The following TCF4 variants were observed in gnomAD, a reference collection of about 807,000 sequenced individuals.
TCF4 encodes transcription factor 4, also known as SL3-3 enhancer factor 2.
In TCF4, 3 loss-of-function variants were observed where a neutral mutation model predicts 82.1. The observed-to-expected ratio is 0.04, with a 90% CI of 0.02 to 0.09. The LOEUF is 0.09. Among genes scored for constraint, TCF4 ranks in the 10% least tolerant of loss-of-function variants. The pLI is 1.00. For missense variants in TCF4, 518 were observed against 852.7 expected (o/e 0.61, Z 4.89); for synonymous variants, 276 against 309.6 (o/e 0.89, Z 1.14).
intron 3 of TCF4, 94 bp downstream of exon 3, chr18:55,585,186 T>A (rs984423743): frequency 8.5e-7 from 1 of 1,182,198 alleles, no homozygotes; most frequent in African/African-American, 1.5e-5. Context: ...TTCAATGACT[T>A]TTTCAGAACT....
chr18:55,426,673 C>G (rs372275978), intron 5 of TCF4, among the ~76,000 whole-genome samples: 33 of 152,230 alleles, frequency 2.2e-4, no homozygotes, highest in African/African-American at 5.3e-4. Context: ...TTTAGAGCAG[C>G]CTTGCATGTA....
At chr18:55,623,750 G>A (rs548972722) in intron 2 of TCF4, among the ~76,000 whole-genome samples, 1 of 152,262 alleles carries the variant, frequency 6.6e-6, no homozygotes, top group South Asian at 2.1e-4. Flanking sequence ...AGCTATGTGA[G>A]TCCCATTAGT....
At chr18:55,350,772 T>C in intron 7 of TCF4, 102 bp downstream of exon 7, 1 of 1,518,638 alleles carries the variant, frequency 6.6e-7, no homozygotes, top group East Asian at 2.4e-5. Context: ...ATGGTTTTCT[T>C]GGGGTGGGAG....
At chr18:55,400,100 G>A (rs1370206173) in intron 6 of TCF4, among the ~76,000 whole-genome samples, 5 of 151,846 alleles carry the variant, frequency 3.3e-5, no homozygotes, top group Admixed American at 3.3e-4. Context: ...TTAAAAGTTT[G>A]CAAATCACCC....
intron 1 of TCF4, among the ~76,000 whole-genome samples, chr18:55,634,373 T>C (rs2097734274): frequency 6.6e-6 from 1 of 152,222 alleles, no homozygotes; most frequent in African/African-American, 2.4e-5. Flanking sequence ...CTTTTACTAA[T>C]TTATAATATT....
At chr18:55,269,444 A>G (rs888881913) in intron 11 of TCF4, 4 of 316,350 alleles carry the variant, frequency 1.3e-5, no homozygotes, top group East Asian at 1.5e-4. Flanking sequence ...GCCTAGCACA[A>G]TGACTGGAAT....
intron 11 of TCF4, among the ~76,000 whole-genome samples, chr18:55,263,052 C>T (rs972156003): frequency 9.9e-5 from 15 of 152,144 alleles, no homozygotes; most frequent in Admixed American, 9.2e-4. Context: ...GAACCACCCA[C>T]CTTGGCCTCC....
chr18:55,621,852 GTATT>G (rs1485536842), intron 2 of TCF4, among the ~76,000 whole-genome samples: 11 of 81,502 alleles, frequency 1.3e-4, no homozygotes, highest in Non-Finnish European at 1.8e-4. Flanking sequence ...TACAATGTAT[GTATT>G]ATATTATATA....
At chr18:55,468,175 C>A (rs962183016) in intron 3 of TCF4, among the ~76,000 whole-genome samples, 12 of 152,114 alleles carry the variant, frequency 7.9e-5, no homozygotes, top group Non-Finnish European at 1.3e-4. Context: ...TATACGAAAT[C>A]AATATTTGAA....
intron 3 of TCF4, among the ~76,000 whole-genome samples, chr18:55,525,698 C>A (rs1340768879): frequency 6.6e-6 from 1 of 152,124 alleles, no homozygotes; most frequent in Non-Finnish European, 1.5e-5. Flanking sequence ...TAACAGTGAA[C>A]CCAATTTCCA....
chr18:55,506,948 C>T (rs190379737), intron 3 of TCF4, among the ~76,000 whole-genome samples: 122 of 151,768 alleles, frequency 8.0e-4, no homozygotes, highest in African/African-American at 2.4e-3. Context: ...CTGCAACCTC[C>T]GCCTCTCAGA....
chr18:55,614,831 A>G (rs889873193), intron 2 of TCF4, among the ~76,000 whole-genome samples: 1 of 152,166 alleles, frequency 6.6e-6, no homozygotes. Flanking sequence ...ATCTTTGCCT[A>G]ATCAAAGGTC....
chr18:55,227,059 C>T lies in TCF4; in HGVS notation c.*976G>A, dbSNP rs2046688081. On this transcript the variant is annotated 3_prime_UTR_variant, in exon 20 of 20. Transcript: ENST00000354452. The stretch of plus-strand genomic sequence containing the variant: ...TTTTTGCCATGTCTTGGTAATGCTG[C>T]TTGTAATATCTACACATGATGTGAC... 6.6e-6 allele frequency: 1 copy of T among 152,492 alleles called. No individual in the cohort carries two copies. Among genetic ancestry groups the T allele is most frequent in the Non-Finnish European group, 1.5e-5 (1 of 68,002 alleles). The allele number at this position is 152,492 out of a possible 1,614,324, so 9.4% of individuals were successfully genotyped here.
chr18:55,370,104 T>C (rs1281995344), intron 6 of TCF4, among the ~76,000 whole-genome samples: 1 of 152,144 alleles, frequency 6.6e-6, no homozygotes, highest in Non-Finnish European at 1.5e-5. Flanking sequence ...CAATATTACG[T>C]TAAAAAGAGA....
intron 3 of TCF4, among the ~76,000 whole-genome samples, chr18:55,554,765 C>G (rs1000709225): frequency 1.3e-5 from 2 of 152,058 alleles, no homozygotes; most frequent in African/African-American, 4.8e-5. Context: ...TCCCCAGGCC[C>G]CAGAACAGAT....
chr18:55,244,248 C>T (rs137875103), intron 15 of TCF4, among the ~76,000 whole-genome samples: 3,099 of 152,142 alleles, frequency 0.02, 58 homozygotes, highest in Non-Finnish European at 0.032. Context: ...CTTGCCAAGT[C>T]GGGTCTCTTT....
rs2046423674 is a variant in TCF4 at position 55,225,092 on chromosome 18, TA to T, written c.*2942del. On this transcript the variant is annotated 3_prime_UTR_variant, in exon 20 of 20. Transcript: ENST00000354452. ...GGCCACATTCCCTTTTTTTCTTTTT[TA>T]ATGGGGATACAACCCAATTAATATG... 1 of 152,202 alleles carries T rather than the reference TA, an allele frequency of 6.6e-6. No individual in the cohort carries two copies. The highest frequency in any genetic ancestry group is 2.4e-5 in the African/African-American group (1 of 41,454). The allele number at this position is 152,202 out of a possible 1,614,324, so 9.4% of individuals were successfully genotyped here. A position where few individuals can be genotyped will look rare whatever the true frequency, so the allele number is the denominator to read the frequency against.
intron 6 of TCF4, among the ~76,000 whole-genome samples, chr18:55,374,864 C>T (rs1403632873): frequency 2.2e-5 from 3 of 136,840 alleles, no homozygotes; most frequent in Non-Finnish European, 4.6e-5. Context: ...TAGAGTGAGG[C>T]CCTGTCTAAA....
At chr18:55,480,193 C>T (rs903071728) in intron 3 of TCF4, among the ~76,000 whole-genome samples, 11 of 145,640 alleles carry the variant, frequency 7.6e-5, no homozygotes, top group African/African-American at 1.5e-4. Context: ...TGGGAATGAC[C>T]GTATTTACCC....
Sources: gnomAD v4.1 joint callset for allele counts (sites outside exome capture counted in the v4.1 genomes callset) on GRCh38, gnomAD v4.1.1 for gene constraint, MANE v1.5 for transcripts, NCBI Gene and HGNC (gene_info 2026-07-23, HGNC 2026-07-21) for gene names.